The following CPN1 variants were observed in gnomAD, a reference collection of about 807,000 sequenced individuals.
The protein encoded by CPN1 is carboxypeptidase N catalytic chain.
Under a neutral mutation model 46.4 loss-of-function variants are expected in CPN1, and 37 were observed. That is an observed-to-expected ratio of 0.80 (90% CI 0.61 to 1.05). The LOEUF is 1.05. CPN1 is among the 50% of genes least tolerant of loss of function. CPN1 has a pLI of 0.00. For synonymous variants in CPN1, 224 were observed against 235.4 expected (o/e 0.95, Z 0.44); for missense variants, 563 against 602.6 (o/e 0.93, Z 0.69).
At chr10:100,063,530 G>A in intron 5 of CPN1, 84 bp downstream of exon 5, 1 of 1,061,302 alleles carries the variant, frequency 9.4e-7, no homozygotes, top group Non-Finnish European at 1.5e-6. Context: ...TATTCCCATT[G>A]TTTCCCTGAG....
intron 3 of CPN1, among the ~76,000 whole-genome samples, chr10:100,066,750 A>G (rs375429161): frequency 2.8e-4 from 42 of 152,354 alleles, no homozygotes; most frequent in African/African-American, 9.6e-4. Context: ...GGTCAGCTCT[A>G]CAGGCTCCAT....
chr10:100,066,336 G>T (rs1278507635), intron 3 of CPN1, among the ~76,000 whole-genome samples: 1 of 152,156 alleles, frequency 6.6e-6, no homozygotes, highest in East Asian at 1.9e-4. Flanking sequence ...CTAGAAAAGG[G>T]TTTCCCATTT....
chr10:100,057,921 C>G (rs1423906035), intron 5 of CPN1, among the ~76,000 whole-genome samples: 4 of 152,166 alleles, frequency 2.6e-5, no homozygotes, highest in African/African-American at 9.7e-5. Flanking sequence ...GAGGGCTAAT[C>G]AGGCTAATTA....
At chr10:100,056,717 C>CT (rs34591682) in intron 6 of CPN1, among the ~76,000 whole-genome samples, 21,995 of 142,366 alleles carry the variant, frequency 0.15, 2,152 homozygotes, top group African/African-American at 0.3. Context: ...GCTTGGCTAT[C>CT]TTTTTTTTTT....
At chr10:100,080,730 T>C (rs1589481139) in intron 1 of CPN1, among the ~76,000 whole-genome samples, 1 of 152,044 alleles carries the variant, frequency 6.6e-6, no homozygotes, top group East Asian at 1.9e-4. Context: ...CTGTCTCTAC[T>C]AAAAATACAA....
intron 1 of CPN1, among the ~76,000 whole-genome samples, chr10:100,079,418 AGGGCT>A (rs2041532094): frequency 6.6e-6 from 1 of 152,266 alleles, no homozygotes; most frequent in African/African-American, 2.4e-5. Flanking sequence ...GGGAACAGTG[AGGGCT>A]AGAGTCCTGT....
At chr10:100,050,318 C>T (rs1398601769) in intron 7 of CPN1, among the ~76,000 whole-genome samples, 1 of 152,140 alleles carries the variant, frequency 6.6e-6, no homozygotes, top group Non-Finnish European at 1.5e-5. Flanking sequence ...CGCGCCACTG[C>T]ACTCCAGCCT....
At chr10:100,072,992 G>A (rs1243792521) in intron 2 of CPN1, among the ~76,000 whole-genome samples, 2 of 152,288 alleles carry the variant, frequency 1.3e-5, no homozygotes, top group East Asian at 1.9e-4. Flanking sequence ...AATGGATGCC[G>A]GGAAGCTACA....
Position 100,057,084 on chromosome 10 carries a change from A to G in CPN1, c.940T>C (p.Phe314Leu). ...EITLELSCDKFPPEEELQREW... is the reference protein window; with the variant it reads ...EITLELSCDKLPPEEELQREW... ...CGCTGTAACTCCTCTTCGGGGGGAA[A>G]CTTGTCGCAACTCAGTTCCAGCGTG... The change falls in exon 6 of 9, where the codon TTT becomes CTT. Residue 314 changes from phenylalanine to leucine, a missense_variant. Physicochemically the swap from Phe to Leu is conservative, Grantham distance 22 (BLOSUM62 0). Transcript: ENST00000370418. 3 of 1,614,092 alleles carry G rather than the reference A, an allele frequency of 1.9e-6. No homozygotes were observed. Among genetic ancestry groups the G allele is most frequent in the Non-Finnish European group, 1.7e-6 (2 of 1,180,018 alleles).
At position 100,065,303 on chromosome 10, in the gene CPN1, A is replaced by G. The variant is rs896086209; in HGVS notation, c.644T>C (p.Leu215Pro). The G allele has an allele frequency of 1.2e-6, 2 of 1,614,154 alleles. No individual in the cohort carries two copies. The highest frequency in any genetic ancestry group is 8.5e-7 in the Non-Finnish European group (1 of 1,180,022). ...HSFNFVLSANLHGGAVVANYP... is the reference protein window; with the variant it reads ...HSFNFVLSANPHGGAVVANYP... ...ATTGGCCACCACCGCCCCTCCGTGG[A>G]GATTGGCTGAAAGAACAAAGTTGAA... is the stretch of plus-strand genomic sequence containing the variant. The change falls in exon 4 of 9, where the codon CTC becomes CCC. Residue 215 changes from leucine to proline, a missense_variant. Coordinates refer to ENST00000370418, the MANE Select transcript of CPN1 (RefSeq NM_001308.3).
chr10:100,047,191 C>A (rs966339337), intron 8 of CPN1, among the ~76,000 whole-genome samples: 1 of 152,132 alleles, frequency 6.6e-6, no homozygotes, highest in Non-Finnish European at 1.5e-5. Flanking sequence ...CACGCCAGTG[C>A]ACAGCCTGAG....
In CPN1 at chr10:100,065,197, G is replaced by C. The variant is rs3750717; in HGVS notation, c.750C>G (p.Leu250=). Reference sequence around the variant, plus strand: ...CTGCTTCTCCACATACCTTCTGGAAGAGCTTGTCGTCAGGCGTGGGGGTGC... The same window carrying C: ...CTGCTTCTCCACATACCTTCTGGAACAGCTTGTCGTCAGGCGTGGGGGTGC... The part of the protein sequence containing the change: ...TASTPTPDDK[L]FQKLAKVYSY... Residue 250 remains leucine (L), a synonymous_variant, in exon 4 of 9, where the codon CTC becomes CTG. Coordinates refer to ENST00000370418, the MANE Select transcript of CPN1 (RefSeq NM_001308.3). 2 of 1,613,064 alleles carry C rather than the reference G, an allele frequency of 1.2e-6. No homozygotes were observed. The highest frequency in any genetic ancestry group is 1.1e-5 in the South Asian group (1 of 91,044).
chr10:100,050,946 A>C (rs960144948), intron 7 of CPN1, among the ~76,000 whole-genome samples: 2 of 152,006 alleles, frequency 1.3e-5, no homozygotes, highest in African/African-American at 4.8e-5. Context: ...TCTTATTTTT[A>C]ATATTTCTTC....
chr10:100,067,284 T>G (rs1564774916), intron 3 of CPN1, among the ~76,000 whole-genome samples: 5 of 152,096 alleles, frequency 3.3e-5, no homozygotes, highest in Admixed American at 2.0e-4. Flanking sequence ...AGCTGGCTAA[T>G]TTTTGTATTT....
At chr10:100,080,574 T>C (rs1784842983) in intron 1 of CPN1, among the ~76,000 whole-genome samples, 1 of 152,188 alleles carries the variant, frequency 6.6e-6, no homozygotes, top group African/African-American at 2.4e-5. Flanking sequence ...CAAACATGGA[T>C]TGCTTTTACA....
At chr10:100,055,229 C>T (rs2041378639) in intron 6 of CPN1, among the ~76,000 whole-genome samples, 1 of 151,276 alleles carries the variant, frequency 6.6e-6, no homozygotes, top group Non-Finnish European at 1.5e-5. Flanking sequence ...CAGAGTGAGA[C>T]TCCATCTAAA....
At chr10:100,054,484 T>C (rs891310543) in intron 6 of CPN1, 38 bp from the exon 7 acceptor site, 7 of 1,497,154 alleles carry the variant, frequency 4.7e-6, no homozygotes, top group Non-Finnish European at 6.5e-6. Flanking sequence ...CATAAAACAT[T>C]TGTACCATTT....
intron 7 of CPN1, among the ~76,000 whole-genome samples, chr10:100,054,074 G>T (rs1183401430): frequency 6.6e-6 from 1 of 152,226 alleles, no homozygotes; most frequent in Admixed American, 6.5e-5. Context: ...CTGATGAGAA[G>T]TTACATTTAC....
intron 2 of CPN1, among the ~76,000 whole-genome samples, chr10:100,073,383 A>G (rs1384418047): frequency 6.6e-6 from 1 of 152,210 alleles, no homozygotes; most frequent in Admixed American, 6.5e-5. Flanking sequence ...GTCAATAGTT[A>G]AGTTGGCAGG....
Sources: allele counts gnomAD v4.1 joint callset (sites outside exome capture counted in the v4.1 genomes callset), GRCh38; gene constraint gnomAD v4.1.1; transcripts MANE v1.5; gene names NCBI Gene and HGNC (gene_info 2026-07-23, HGNC 2026-07-21).